Variants in GALNT13 observed in about 807,000 individuals in gnomAD.
GALNT13 encodes the protein polypeptide N-acetylgalactosaminyltransferase 13, also known as UDP-GalNAc:polypeptide N-acetylgalactosaminyltransferase 13.
GALNT13 carries 28 observed loss-of-function variants against 64.2 expected under a neutral mutation model. The observed-to-expected ratio is 0.44, with a 90% CI of 0.32 to 0.60. The LOEUF (loss-of-function observed/expected upper bound fraction) is 0.60, where lower values mean the gene tolerates loss of function less well. Among genes scored for constraint, GALNT13 ranks in the 20% least tolerant of loss-of-function variants. The pLI is 0.05. For synonymous variants in GALNT13, 214 were observed against 224.6 expected (o/e 0.95, Z 0.42); for missense variants, 577 against 669.8 (o/e 0.86, Z 1.53).
chr2:154,224,056 G>A (rs952509571), intron 4 of GALNT13, among the ~76,000 whole-genome samples: 12 of 151,972 alleles, frequency 7.9e-5, no homozygotes, highest in South Asian at 2.1e-4. Context: ...TTTGTATAGC[G>A]TATGTGTGTA....
At chr2:153,955,795 A>G (rs1489727318) in intron 3 of GALNT13, among the ~76,000 whole-genome samples, 1 of 152,202 alleles carries the variant, frequency 6.6e-6, no homozygotes, top group Non-Finnish European at 1.5e-5. Flanking sequence ...GTGACTGGCA[A>G]GGAGTGCTTG....
chr2:154,244,044 G>A (rs1177863587), intron 6 of GALNT13, among the ~76,000 whole-genome samples: 2 of 151,872 alleles, frequency 1.3e-5, no homozygotes, highest in African/African-American at 4.8e-5. Context: ...AATCAGACTG[G>A]CAAAGTAAAA....
intron 11 of GALNT13, among the ~76,000 whole-genome samples, chr2:154,429,706 C>T (rs1464079066): frequency 6.6e-6 from 1 of 152,128 alleles, no homozygotes; most frequent in East Asian, 1.9e-4. Context: ...AAGAAGATGC[C>T]ATCTGGGACT....
Position 153,871,967 on chromosome 2 carries a change from C to T in GALNT13, c.-513C>T, listed in dbSNP as rs1044315757. On this transcript the variant is annotated 5_prime_UTR_variant, in exon 1 of 13. Coordinates refer to ENST00000392825, the MANE Select transcript of GALNT13 (RefSeq NM_052917.4). Reference sequence around the variant, plus strand: ...GCTGAGGTGACAACGTGCTAGCAGCCCTCGCTCGCTCTGGGCGCCTCCTCG... The same window carrying T: ...GCTGAGGTGACAACGTGCTAGCAGCTCTCGCTCGCTCTGGGCGCCTCCTCG... 6.6e-6 allele frequency: 1 copy of T among 152,326 alleles called. No homozygotes were observed. The highest frequency in any genetic ancestry group is 2.0e-4 in the East Asian group (1 of 5,116). 9.4% of individuals were successfully genotyped at this position (152,326 alleles called of 1,614,324 possible).
the GALNT13 span, among the ~76,000 whole-genome samples, chr2:153,473,636 T>C: frequency 5.9e-5 from 9 of 152,216 alleles, no homozygotes; most frequent in South Asian, 2.1e-4. Context: ...TGCTGCAGAC[T>C]TGCTGCTTCC....
the GALNT13 span, among the ~76,000 whole-genome samples, chr2:153,219,871 A>G: frequency 6.6e-6 from 1 of 152,338 alleles, no homozygotes; most frequent in Non-Finnish European, 1.5e-5. Flanking sequence ...AGAATGTCGT[A>G]TCTTCTTTAC....
the GALNT13 span, among the ~76,000 whole-genome samples, chr2:153,564,380 AGAG>A: frequency 2.5e-4 from 38 of 151,314 alleles, no homozygotes; most frequent in East Asian, 4.4e-3. Context: ...TAAAAGACAT[AGAG>A]GAGAAGTGTA....
chr2:153,473,000 T>C, the GALNT13 span, among the ~76,000 whole-genome samples: 48 of 151,712 alleles, frequency 3.2e-4, no homozygotes, highest in Admixed American at 3.0e-3. Context: ...TATATGGACA[T>C]AGGGAGGGGA....
chr2:153,381,685 A>G, the GALNT13 span, among the ~76,000 whole-genome samples: 4 of 152,222 alleles, frequency 2.6e-5, no homozygotes, highest in Non-Finnish European at 5.9e-5. Flanking sequence ...CAAATCTTGG[A>G]CAGAAAAGAA....
the GALNT13 span, among the ~76,000 whole-genome samples, chr2:153,830,161 T>G: frequency 6.7e-6 from 1 of 148,706 alleles, no homozygotes; most frequent in African/African-American, 2.5e-5. Flanking sequence ...AATTTGCATG[T>G]TTTGAAAAGT....
At position 154,389,651 on chromosome 2, in the gene GALNT13, G is replaced by T. The variant is rs74559616; in HGVS notation, c.1157-6340G>T. Among the ~76,000 whole-genome samples, 609 of 152,200 alleles carry T rather than the reference G, an allele frequency of 4.0e-3. 10 individuals are homozygous for T. The South Asian group carries it at 0.044, about 11-fold the overall frequency. ...TTATCATTGAAATGCCAGGGGTTTG[G>T]TCTAAGGCCCATTGCTTGCCTCACA... On this transcript the variant is annotated intron_variant, in intron 9 of 12. Transcript: ENST00000392825.
At chr2:153,914,626 G>A (rs1689204130) in intron 2 of GALNT13, among the ~76,000 whole-genome samples, 1 of 151,960 alleles carries the variant, frequency 6.6e-6, no homozygotes, top group Admixed American at 6.6e-5. Flanking sequence ...GCTTCTGCCT[G>A]TATTGAGATT....
intron 7 of GALNT13, among the ~76,000 whole-genome samples, chr2:154,256,149 G>T (rs912911139): frequency 6.6e-6 from 1 of 152,098 alleles, no homozygotes; most frequent in Non-Finnish European, 1.5e-5. Flanking sequence ...AATCAATAAT[G>T]TGGACTTGTC....
In GALNT13 at chr2:153,988,811, A is replaced by G. The variant is rs552188940; in HGVS notation, c.142+44172A>G. 1.3e-4 allele frequency among the ~76,000 whole-genome samples: 20 copies of G among 152,070 alleles called. No individual in the cohort carries two copies. The East Asian group carries it at 2.5e-3, about 19-fold the overall frequency. Reference sequence around the variant, plus strand: ...TTAAGTCTTTGGAGTATTTATTTATATTAAGTTCAGGTGACTAAAGTATGA... The same window carrying G: ...TTAAGTCTTTGGAGTATTTATTTATGTTAAGTTCAGGTGACTAAAGTATGA... On this transcript the variant is annotated intron_variant, in intron 3 of 12. Transcript: ENST00000392825.
chr2:153,512,598 G>A, the GALNT13 span, among the ~76,000 whole-genome samples: 5 of 152,100 alleles, frequency 3.3e-5, no homozygotes, highest in East Asian at 1.9e-4. Context: ...ATAAAATTGG[G>A]AGAATAGCAG....
intron 8 of GALNT13, among the ~76,000 whole-genome samples, chr2:154,268,541 G>A (rs78079788): frequency 0.042 from 6,377 of 152,050 alleles, 431 homozygotes; most frequent in African/African-American, 0.14. Flanking sequence ...ACTTCTTATT[G>A]AGTGGTACAA....
chr2:153,685,704 A>G, the GALNT13 span, among the ~76,000 whole-genome samples: 1 of 151,904 alleles, frequency 6.6e-6, no homozygotes, highest in African/African-American at 2.4e-5. Flanking sequence ...TTTTGTTGCA[A>G]TTGCTTTTGG....
intron 3 of GALNT13, among the ~76,000 whole-genome samples, chr2:153,947,012 A>T (rs1691803883): frequency 6.6e-6 from 1 of 152,112 alleles, no homozygotes; most frequent in Non-Finnish European, 1.5e-5. Flanking sequence ...TACTTAAAAA[A>T]AGATCCTTCT....
At chr2:153,163,887 G>A in the GALNT13 span, among the ~76,000 whole-genome samples, 14 of 151,820 alleles carry the variant, frequency 9.2e-5, no homozygotes, top group South Asian at 4.1e-4. Context: ...GCGTGGTGGC[G>A]GGCGCCTGTA....
Sources: gnomAD v4.1 joint callset for allele counts (sites outside exome capture counted in the v4.1 genomes callset) on GRCh38, gnomAD v4.1.1 for gene constraint, MANE v1.5 for transcripts, NCBI Gene and HGNC (gene_info 2026-07-23, HGNC 2026-07-21) for gene names.